The following ARVCF variants were observed in gnomAD, a reference collection of about 807,000 sequenced individuals.
ARVCF encodes splicing regulator ARVCF.
In ARVCF, 66 loss-of-function variants were observed where a neutral mutation model predicts 90.9. That is an observed-to-expected ratio of 0.73 (90% CI 0.60 to 0.89). ARVCF has a LOEUF of 0.89. Ranked by LOEUF, ARVCF falls within the 40% of genes least tolerant of loss-of-function variation. The probability of loss-of-function intolerance (pLI) is 0.00; values close to 1 mark genes in which losing one functional copy is unlikely to be tolerated. For missense variants in ARVCF, 1,469 were observed against 1,382.3 expected (o/e 1.06, Z -1.00); for synonymous variants, 653 against 603.4 (o/e 1.08, Z -1.21).
chr22:19,965,551 A>G (rs1942344243), downstream of ARVCF: 1 of 152,204 alleles, frequency 6.6e-6, no homozygotes, highest in Admixed American at 6.5e-5. Context: ...CACATTGGCC[A>G]GGATGGTCTC....
At chr22:20,013,663 T>C (rs1013343962) in intron 1 of ARVCF, among the ~76,000 whole-genome samples, 1 of 151,998 alleles carries the variant, frequency 6.6e-6, no homozygotes, top group Admixed American at 6.5e-5. Flanking sequence ...GCAGGGGCAG[T>C]GGGAAGGGCC....
chr22:20,006,820 C>CG (rs370294511), intron 2 of ARVCF, among the ~76,000 whole-genome samples: 2 of 151,360 alleles, frequency 1.3e-5, no homozygotes, highest in Non-Finnish European at 2.9e-5. Flanking sequence ...TTAGTAGAGA[C>CG]GGGGTTTCAC....
rs1331847750 is a variant in ARVCF, at chr22:19,971,247, G to T, written c.2870C>A (p.Pro957His). Residue 957 changes from proline to histidine, a missense_variant, in exon 19 of 20, where the codon CCC becomes CAC. Physicochemically the swap from Pro to His is moderately conservative, Grantham distance 77 (BLOSUM62 -2). Coordinates refer to ENST00000263207, the MANE Select transcript of ARVCF (RefSeq NM_001670.3). ...VDAVGDAKPQPVDSWV is the reference protein window; with the variant it reads ...VDAVGDAKPQHVDSWV ...TGCAAGCTAGACCCAGGAATCAACG[G>T]GCTGAGGCTTAGCGTCCCCTACGGC... is the stretch of plus-strand genomic sequence containing the variant. The T allele has an allele frequency of 5.8e-6, 9 of 1,555,306 alleles. No individual in the cohort carries two copies. In the Admixed American group the frequency reaches 5.8e-5, roughly 10 times the overall value.
intron 3 of ARVCF, 58 bp from the exon 4 acceptor site, chr22:19,982,149 A>C: frequency 6.3e-7 from 1 of 1,587,824 alleles, no homozygotes; most frequent in Non-Finnish European, 8.5e-7. Flanking sequence ...CCTGGAGTGC[A>C]GGTCTCCACA....
chr22:20,008,504 C>G (rs1373874967), intron 2 of ARVCF, among the ~76,000 whole-genome samples: 1 of 152,242 alleles, frequency 6.6e-6, no homozygotes, highest in Non-Finnish European at 1.5e-5. Context: ...CTCAACCAGG[C>G]TGGGAGCTCC....
chr22:19,997,100 A>T (rs1423605207), intron 2 of ARVCF, among the ~76,000 whole-genome samples: 1 of 152,250 alleles, frequency 6.6e-6, no homozygotes, highest in Admixed American at 6.5e-5. Flanking sequence ...CCCAGGGGGC[A>T]TGCTGGATGG....
chr22:20,011,386 G>A (rs1944825532), intron 1 of ARVCF, among the ~76,000 whole-genome samples: 1 of 151,922 alleles, frequency 6.6e-6, no homozygotes, highest in African/African-American at 2.4e-5. Flanking sequence ...GGTAATGAGA[G>A]CTCTCTCCCC....
chr22:20,010,377 C>T (rs1050054826), intron 2 of ARVCF, 78 bp downstream of exon 2: 1 of 152,366 alleles, frequency 6.6e-6, no homozygotes, highest in African/African-American at 2.4e-5. Flanking sequence ...CCTGTCACCC[C>T]CACCCGCCAG....
At chr22:20,013,954 C>T (rs1301825272) in intron 1 of ARVCF, among the ~76,000 whole-genome samples, 1 of 152,040 alleles carries the variant, frequency 6.6e-6, no homozygotes, top group African/African-American at 2.4e-5. Flanking sequence ...CTCACTGCAA[C>T]CTCTGCCTCC....
rs1942898188 is a variant in ARVCF, at chr22:19,972,844, A to G, written c.2551-17T>C. 1.2e-6 allele frequency: 2 copies of G among 1,613,452 alleles called. No homozygotes were observed. Among genetic ancestry groups the G allele is most frequent in the African/African-American group, 2.7e-5 (2 of 74,910 alleles). On this transcript the variant is annotated splice_polypyrimidine_tract_variant and intron_variant, in intron 15 of 19. Coordinates refer to ENST00000263207, the MANE Select transcript of ARVCF (RefSeq NM_001670.3). ...AGCAGCTGACTGAGACATAAAACAC[A>G]GACACAGGGTGGGTGAAGCACATGG... is the stretch of plus-strand genomic sequence containing the variant.
At position 19,973,175 on chromosome 22, in the gene ARVCF, C is replaced by T. The variant is rs568783293; in HGVS notation, c.2382G>A (p.Ala794=). Residue 794 remains alanine, a synonymous_variant, in exon 14 of 20, where the codon GCG becomes GCA. Transcript: ENST00000263207. ...HEIVSDSLDN[A]RSLLQARGVP... ...CCCCGCGTGCCTGCAGGAGCGAGCGCGCGTTATCCAGGCTGTCGGACACGA... is the reference window on the plus strand; with the variant it reads ...CCCCGCGTGCCTGCAGGAGCGAGCGTGCGTTATCCAGGCTGTCGGACACGA... The T allele has an allele frequency of 5.7e-4, 921 of 1,610,794 alleles. 11 individuals are homozygous for T. In the South Asian group the frequency reaches 8.3e-3, roughly 15 times the overall value.
Position 19,981,334 on chromosome 22 carries a change from G to A in ARVCF, c.773C>T (p.Pro258Leu), listed in dbSNP as rs567352971. The change falls in exon 5 of 20, where the codon CCG becomes CTG. Residue 258 changes from proline to leucine, a missense_variant. Coordinates refer to ENST00000263207, the MANE Select transcript of ARVCF (RefSeq NM_001670.3). ...GCGCGTGTCATCCTCCAAGCCATAC[G>A]GCTCTGCCTGGAAGCGCTCGGGCAG... The part of the protein sequence containing the change: ...RSLPERFQAE[P>L]YGLEDDTRSL... The A allele has an allele frequency of 2.4e-5, 39 of 1,605,298 alleles. No homozygotes were observed. Among genetic ancestry groups the A allele is most frequent in the South Asian group, 4.4e-5 (4 of 89,920 alleles).
rs1185242548 is a variant in ARVCF at position 19,990,813 on chromosome 22, C to CT, written c.-18-2dup. The CT allele has an allele frequency of 6.5e-7, 1 of 1,545,552 alleles. No individual in the cohort carries two copies. The highest frequency in any genetic ancestry group is 8.7e-7 in the Non-Finnish European group (1 of 1,142,980). ...CCTCCATGACCAGAGCGCCCGCCAG[C>CT]TGCAGGCAAAGCAGAGTAAGCTCAG... On this transcript the variant is annotated splice_acceptor_variant, in intron 2 of 19. Coordinates refer to ENST00000263207, the MANE Select transcript of ARVCF (RefSeq NM_001670.3). LOFTEE classifies it low-confidence loss of function (5UTR_SPLICE).
chr22:19,979,554 G>A (rs1053040869), intron 6 of ARVCF, 189 bp downstream of exon 6: 7 of 888,990 alleles, frequency 7.9e-6, no homozygotes, highest in Admixed American at 3.0e-5. Flanking sequence ...TGCTATGGTA[G>A]AGACTGGGGA....
chr22:19,965,181 G>A, downstream of ARVCF: 1 of 155,022 alleles, frequency 6.5e-6, no homozygotes, highest in Non-Finnish European at 1.4e-5. Flanking sequence ...GGGAGTCAGG[G>A]CACACAGGAC....
intron 2 of ARVCF, among the ~76,000 whole-genome samples, chr22:19,994,913 TG>T (rs145552860): frequency 0.18 from 9,282 of 52,976 alleles, 327 homozygotes; most frequent in East Asian, 0.26. Context: ...TATGGATGGA[TG>T]GGGGGGGATG....
At position 19,981,322 on chromosome 22, in the gene ARVCF, T is replaced by C; in HGVS notation, c.785A>G (p.Glu262Gly). ...ERFQAEPYGLEDDTRSLAADD... is the reference protein window; with the variant it reads ...ERFQAEPYGLGDDTRSLAADD... ...AGCGGCCAGGCTGCGCGTGTCATCC[T>C]CCAAGCCATACGGCTCTGCCTGGAA... The change falls in exon 5 of 20, where the codon GAG becomes GGG. Residue 262 changes from glutamate (E) to glycine (G), a missense_variant. Coordinates refer to ENST00000263207, the MANE Select transcript of ARVCF (RefSeq NM_001670.3). 3 of 1,602,270 alleles carry C rather than the reference T, an allele frequency of 1.9e-6. No homozygotes were observed. Among genetic ancestry groups the C allele is most frequent in the Non-Finnish European group, 2.6e-6 (3 of 1,175,608 alleles).
chr22:19,991,692 G>A (rs773525115), intron 2 of ARVCF, among the ~76,000 whole-genome samples: 6 of 152,254 alleles, frequency 3.9e-5, no homozygotes, highest in Admixed American at 1.3e-4. Context: ...CTTGGCAGCC[G>A]CAGAGACAAA....
chr22:19,987,416 G>A (rs959772080), intron 3 of ARVCF, among the ~76,000 whole-genome samples: 7 of 148,590 alleles, frequency 4.7e-5, no homozygotes, highest in African/African-American at 1.7e-4. Context: ...TGCCGGCCTG[G>A]ACTTCTGCTC....
Sources: gnomAD v4.1 joint callset for allele counts (sites outside exome capture counted in the v4.1 genomes callset) on GRCh38, gnomAD v4.1.1 for gene constraint, MANE v1.5 for transcripts, NCBI Gene and HGNC (gene_info 2026-07-23, HGNC 2026-07-21) for gene names.